The following ABCG2 variants were observed in gnomAD, a reference collection of about 807,000 sequenced individuals.
ABCG2 encodes the protein broad substrate specificity ATP-binding cassette transporter ABCG2.
In ABCG2, 80 loss-of-function variants were observed where a neutral mutation model predicts 73.5. That is an observed-to-expected ratio of 1.09 (90% CI 0.91 to 1.31). The LOEUF is 1.31. Among genes scored for constraint, ABCG2 ranks in the 50% most tolerant of loss-of-function variants. The pLI is 0.00. For missense variants in ABCG2, 796 were observed against 786.2 expected (o/e 1.01, Z -0.15); for synonymous variants, 269 against 282.4 (o/e 0.95, Z 0.48).
At chr4:88,109,717 T>G (rs1314656789) in intron 9 of ABCG2, among the ~76,000 whole-genome samples, 5 of 152,222 alleles carry the variant, frequency 3.3e-5, no homozygotes, top group Non-Finnish European at 5.9e-5. Context: ...GTTTGAATCA[T>G]GTAAAGAAAT....
At position 88,152,805 on chromosome 4, in the gene ABCG2, G is replaced by A. The variant is rs184026303; in HGVS notation, c.-20+5581C>T. On this transcript the variant is annotated intron_variant, in intron 1 of 15. Coordinates refer to ENST00000237612, the MANE Select transcript of ABCG2 (RefSeq NM_004827.3). ...GTTGGGGTGGTGAAAATTTTTGGGG[G>A]GTGGTATGGAGAGAGAATGGGTGAT... 3.1e-3 allele frequency among the ~76,000 whole-genome samples: 479 copies of A among 152,152 alleles called. 3 individuals carry two copies. The highest frequency in any genetic ancestry group is 8.3e-3 in the Admixed American group (127 of 15,262).
chr4:88,173,597 C>A (rs1233305733), intron 1 of ABCG2, among the ~76,000 whole-genome samples: 1 of 152,172 alleles, frequency 6.6e-6, no homozygotes, highest in Non-Finnish European at 1.5e-5. Flanking sequence ...ACACTATTAT[C>A]ACATCTAAAC....
At chr4:88,185,750 A>G (rs1728427976) in intron 1 of ABCG2, among the ~76,000 whole-genome samples, 1 of 152,208 alleles carries the variant, frequency 6.6e-6, no homozygotes, top group South Asian at 2.1e-4. Flanking sequence ...AGTAAATGAA[A>G]AGGTACTCAT....
At chr4:88,124,132 C>T (rs1031009168) in intron 5 of ABCG2, among the ~76,000 whole-genome samples, 2 of 152,144 alleles carry the variant, frequency 1.3e-5, no homozygotes, top group East Asian at 3.8e-4. Flanking sequence ...TTGTCACCAC[C>T]AGGCCTGCCT....
chr4:88,218,148 C>T (rs1729883640), intron 1 of ABCG2, among the ~76,000 whole-genome samples: 1 of 152,112 alleles, frequency 6.6e-6, no homozygotes, highest in South Asian at 2.1e-4. Context: ...CTCAGTCTTT[C>T]TTCAAATATT....
intron 7 of ABCG2, among the ~76,000 whole-genome samples, chr4:88,117,015 A>G (rs1404697866): frequency 5.3e-5 from 8 of 152,186 alleles, no homozygotes; most frequent in Non-Finnish European, 2.9e-5. Context: ...TAAAGCTGCA[A>G]TCTATAGTTA....
intron 5 of ABCG2, among the ~76,000 whole-genome samples, chr4:88,125,546 TGCAGTGAGCTG>T (rs1462412800): frequency 1.5e-5 from 2 of 137,318 alleles, no homozygotes; most frequent in Non-Finnish European, 3.0e-5. Context: ...AGGTGGAGCT[TGCAGTGAGCTG>T]AGACTGCACC....
chr4:88,182,266 A>C (rs1728283936), intron 1 of ABCG2, among the ~76,000 whole-genome samples: 1 of 152,208 alleles, frequency 6.6e-6, no homozygotes, highest in South Asian at 2.1e-4. Context: ...ATATTATTAG[A>C]GCTAAAGAGA....
chr4:88,204,397 G>A (rs1729300576), intron 1 of ABCG2, among the ~76,000 whole-genome samples: 1 of 152,152 alleles, frequency 6.6e-6, no homozygotes. Flanking sequence ...CTCCAGCCTG[G>A]TGACAGAGCA....
At chr4:88,169,290 C>A (rs926269737) in intron 1 of ABCG2, among the ~76,000 whole-genome samples, 1 of 152,070 alleles carries the variant, frequency 6.6e-6, no homozygotes, top group Admixed American at 6.6e-5. Context: ...ATGATCCACC[C>A]GTCTCAGCCT....
chr4:88,129,763 C>T (rs1455036655), intron 5 of ABCG2, among the ~76,000 whole-genome samples: 3 of 152,194 alleles, frequency 2.0e-5, no homozygotes, highest in Admixed American at 6.5e-5. Flanking sequence ...ATAGCCATTA[C>T]AATGCAAAAA....
intron 1 of ABCG2, among the ~76,000 whole-genome samples, chr4:88,144,382 TG>T (rs1467384094): frequency 3.3e-5 from 5 of 151,912 alleles, no homozygotes; most frequent in Non-Finnish European, 7.4e-5. Flanking sequence ...TCTTTCGTGC[TG>T]GTCTACCTAT....
At position 88,095,529 on chromosome 4, in the gene ABCG2, A is replaced by T. The variant is rs200579274; in HGVS notation, c.1728T>A (p.Tyr576Ter). 6.2e-7 allele frequency: 1 copy of T among 1,613,114 alleles called. No homozygotes were observed. The highest frequency in any genetic ancestry group is 8.5e-7 in the Non-Finnish European group (1 of 1,179,148). ...SWLQYFSIPR[Y>*]GFTALQHNEF... ...GACAAGGAAGACATACCGTAAATCCATATCGTGGAATGCTGAAGTACTGAA... is the reference window on the plus strand; with the variant it reads ...GACAAGGAAGACATACCGTAAATCCTTATCGTGGAATGCTGAAGTACTGAA... The change falls in exon 14 of 16, where the codon TAT (tyrosine) becomes TAA (stop). Residue 576 changes from tyrosine to a stop codon, truncating the protein, a stop_gained. Coordinates refer to ENST00000237612, the MANE Select transcript of ABCG2 (RefSeq NM_004827.3). LOFTEE classifies it high-confidence loss of function.
chr4:88,141,276 G>T (rs1725623131), intron 1 of ABCG2, among the ~76,000 whole-genome samples: 1 of 152,110 alleles, frequency 6.6e-6, no homozygotes, highest in Non-Finnish European at 1.5e-5. Flanking sequence ...GGAATGGCGG[G>T]ACTGAAGCAC....
At chr4:88,173,933 A>G (rs891730828) in intron 1 of ABCG2, among the ~76,000 whole-genome samples, 12 of 152,140 alleles carry the variant, frequency 7.9e-5, no homozygotes, top group Admixed American at 2.6e-4. Context: ...CTTTTGGCCG[A>G]TGTGTCTCAG....
upstream of ABCG2, among the ~76,000 whole-genome samples, chr4:88,160,738 A>T (rs1406911868): frequency 6.7e-6 from 1 of 150,252 alleles, no homozygotes; most frequent in Non-Finnish European, 1.5e-5. Flanking sequence ...AATCCCAGCT[A>T]CCCAGGAGGC....
intron 1 of ABCG2, among the ~76,000 whole-genome samples, chr4:88,177,861 A>G (rs550141011): frequency 1.6e-4 from 25 of 152,286 alleles, no homozygotes; most frequent in Admixed American, 6.5e-4. Flanking sequence ...ATGCTGATGA[A>G]GACAGCATTT....
chr4:88,223,311 G>C (rs904156479), intron 1 of ABCG2, among the ~76,000 whole-genome samples: 2 of 152,128 alleles, frequency 1.3e-5, no homozygotes, highest in African/African-American at 4.8e-5. Context: ...TGGTTTGGCT[G>C]TATCCCCACC....
intron 1 of ABCG2, among the ~76,000 whole-genome samples, chr4:88,218,387 G>T (rs550852457): frequency 6.6e-6 from 1 of 152,290 alleles, no homozygotes; most frequent in Admixed American, 6.5e-5. Context: ...TCTATCCCTA[G>T]TGACTAACGC....
Sources: allele counts gnomAD v4.1 joint callset (sites outside exome capture counted in the v4.1 genomes callset), GRCh38; gene constraint gnomAD v4.1.1; transcripts MANE v1.5; gene names NCBI Gene and HGNC (gene_info 2026-07-23, HGNC 2026-07-21).